Variants in AUTS2 observed in about 807,000 individuals in gnomAD.
The protein encoded by AUTS2 is activator of transcription and developmental regulator AUTS2, also known as autism susceptibility gene 2 protein.
AUTS2 carries 17 observed loss-of-function variants against 112.4 expected under a neutral mutation model. The observed-to-expected ratio is 0.15, with a 90% confidence interval of 0.10 to 0.23. The LOEUF (loss-of-function observed/expected upper bound fraction) is 0.23, where lower values mean the gene tolerates loss of function less well. Among genes scored for constraint, AUTS2 ranks in the 10% least tolerant of loss-of-function variants. The probability of loss-of-function intolerance (pLI) is 1.00; values close to 1 mark genes in which losing one functional copy is unlikely to be tolerated. For synonymous variants in AUTS2, 751 were observed against 702.7 expected, an observed-to-expected ratio of 1.07 and a Z score of -1.09; for missense variants, 1,510 against 1,701.6, an observed-to-expected ratio of 0.89 and a Z score of 1.98.
chr7:70,298,710 G>T (rs1469118348), intron 4 of AUTS2, among the ~76,000 whole-genome samples: 3 of 152,126 alleles, frequency 2.0e-5, no homozygotes, highest in African/African-American at 7.2e-5. Flanking sequence ...GTAATACCTG[G>T]GCTCACCTTC....
At chr7:69,977,806 A>G (rs1258977756) in intron 2 of AUTS2, among the ~76,000 whole-genome samples, 1 of 152,188 alleles carries the variant, frequency 6.6e-6, no homozygotes, top group Non-Finnish European at 1.5e-5. Flanking sequence ...GACATCATAT[A>G]TCATATCGGA....
At chr7:69,962,724 G>C (rs1342070506) in intron 2 of AUTS2, among the ~76,000 whole-genome samples, 2 of 152,218 alleles carry the variant, frequency 1.3e-5, no homozygotes, top group Middle Eastern at 3.4e-3. Flanking sequence ...ATGTGTGTGT[G>C]TGTGTGTGCA....
intron 4 of AUTS2, among the ~76,000 whole-genome samples, chr7:70,238,825 G>A (rs942429089): frequency 2.0e-5 from 3 of 152,044 alleles, no homozygotes; most frequent in Non-Finnish European, 4.4e-5. Context: ...CTCATCATCA[G>A]AGAGATGTGT....
intron 4 of AUTS2, among the ~76,000 whole-genome samples, chr7:70,299,118 A>AT (rs1006237786): frequency 1.2e-4 from 18 of 152,230 alleles, no homozygotes. Context: ...TATAATCATA[A>AT]TTAACTCTTT....
intron 5 of AUTS2, among the ~76,000 whole-genome samples, chr7:70,529,076 G>C (rs1387953538): frequency 1.3e-5 from 2 of 152,228 alleles, no homozygotes; most frequent in Non-Finnish European, 2.9e-5. Flanking sequence ...AAAGGGCCTG[G>C]AGCCTCTCAA....
In AUTS2 at chr7:70,080,926, C is replaced by A. The variant is rs201180303; in HGVS notation, c.523-37206C>A. 9.9e-5 allele frequency among the ~76,000 whole-genome samples: 15 copies of A among 152,264 alleles called. No individual in the cohort carries two copies. In the East Asian group the frequency reaches 2.7e-3, roughly 27 times the overall value. ...GGCGTTGGAAAGAGGTGATAAATAT[C>A]ATTAGGACCTCAGCAAGGCTTTGGA... On this transcript the variant is annotated intron_variant, in intron 2 of 18. Coordinates refer to ENST00000342771, the MANE Select transcript of AUTS2 (RefSeq NM_015570.4).
intron 1 of AUTS2, chr7:69,663,414 T>C (rs946840195): frequency 2.0e-5 from 3 of 152,150 alleles, no homozygotes; most frequent in Non-Finnish European, 2.9e-5. Flanking sequence ...CAACCAGAAA[T>C]AATAAGATAC....
chr7:70,648,546 A>G (rs992815017), intron 5 of AUTS2, among the ~76,000 whole-genome samples: 3 of 152,142 alleles, frequency 2.0e-5, no homozygotes, highest in Non-Finnish European at 4.4e-5. Flanking sequence ...CGATATAAAA[A>G]CAAAACAGAA....
intron 5 of AUTS2, among the ~76,000 whole-genome samples, chr7:70,507,519 G>A (rs890274471): frequency 3.3e-5 from 5 of 151,944 alleles, no homozygotes; most frequent in Admixed American, 6.6e-5. Context: ...AACTAAGGCC[G>A]GGCGCAGTGG....
At chr7:70,335,232 A>C (rs554227928) in intron 4 of AUTS2, among the ~76,000 whole-genome samples, 1 of 152,294 alleles carries the variant, frequency 6.6e-6, no homozygotes, top group African/African-American at 2.4e-5. Flanking sequence ...CTTTTCCTGG[A>C]ATCTCAACAG....
intron 5 of AUTS2, among the ~76,000 whole-genome samples, chr7:70,545,102 G>T (rs1466293406): frequency 6.6e-6 from 1 of 152,174 alleles, no homozygotes; most frequent in African/African-American, 2.4e-5. Context: ...TTTCAAAATT[G>T]AAATTCAGGC....
chr7:69,632,738 A>G (rs1232723228), intron 1 of AUTS2, among the ~76,000 whole-genome samples: 1 of 152,130 alleles, frequency 6.6e-6, no homozygotes, highest in Non-Finnish European at 1.5e-5. Context: ...TTAAGTATTT[A>G]GAATTCCACA....
At chr7:69,998,198 A>G (rs1799032254) in intron 2 of AUTS2, among the ~76,000 whole-genome samples, 1 of 152,096 alleles carries the variant, frequency 6.6e-6, no homozygotes, top group Non-Finnish European at 1.5e-5. Flanking sequence ...GGGCAAATCT[A>G]CCTCAAACTG....
intron 4 of AUTS2, among the ~76,000 whole-genome samples, chr7:70,224,360 A>G (rs1811649203): frequency 7.0e-6 from 1 of 143,424 alleles, no homozygotes; most frequent in Non-Finnish European, 1.5e-5. Context: ...AATACAATAC[A>G]ATACAATACA....
Position 70,617,678 on chromosome 7 carries a change from A to G in AUTS2, c.691-80891A>G, listed in dbSNP as rs62456768. Among the ~76,000 whole-genome samples, 4 of 151,072 alleles carry G rather than the reference A, an allele frequency of 2.6e-5. No homozygotes were observed. The East Asian group carries it at 7.7e-4, about 29-fold the overall frequency. ...ACACTGTCTCAGAGAAAAAAAAAAGAAGTTTGTGAGGGATTCCTAAGAAAG... is the reference window on the plus strand; with the variant it reads ...ACACTGTCTCAGAGAAAAAAAAAAGGAGTTTGTGAGGGATTCCTAAGAAAG... On this transcript the variant is annotated intron_variant, in intron 5 of 18. Coordinates refer to ENST00000342771, the MANE Select transcript of AUTS2 (RefSeq NM_015570.4).
intron 1 of AUTS2, among the ~76,000 whole-genome samples, chr7:69,715,606 AG>A (rs1437354899): frequency 1.3e-5 from 2 of 152,180 alleles, no homozygotes; most frequent in Non-Finnish European, 2.9e-5. Flanking sequence ...CCCATTCAGC[AG>A]GTTACATGGA....
intron 5 of AUTS2, among the ~76,000 whole-genome samples, chr7:70,665,194 A>C (rs1318990280): frequency 6.6e-6 from 1 of 152,230 alleles, no homozygotes; most frequent in East Asian, 1.9e-4. Flanking sequence ...ATAAGGCTAC[A>C]GGGCACCATT....
intron 5 of AUTS2, among the ~76,000 whole-genome samples, chr7:70,558,854 A>G (rs1801358564): frequency 6.6e-6 from 1 of 152,208 alleles, no homozygotes; most frequent in African/African-American, 2.4e-5. Context: ...AAGCCCAGGG[A>G]CAAGGGTCTT....
At chr7:69,930,343 T>C (rs1198101378) in intron 2 of AUTS2, among the ~76,000 whole-genome samples, 2 of 152,154 alleles carry the variant, frequency 1.3e-5, no homozygotes, top group Non-Finnish European at 2.9e-5. Context: ...TCCTCTATCC[T>C]ATGAACCCCA....
Sources: allele counts gnomAD v4.1 joint callset (sites outside exome capture counted in the v4.1 genomes callset), GRCh38; gene constraint gnomAD v4.1.1; transcripts MANE v1.5; gene names NCBI Gene and HGNC (gene_info 2026-07-23, HGNC 2026-07-21).